The following THADA variants were observed in gnomAD, a reference collection of about 807,000 sequenced individuals.
The protein encoded by THADA is tRNA (32-2'-O)-methyltransferase regulator THADA.
A neutral mutation model predicts 219.8 loss-of-function variants in THADA; 213 were observed. That is an observed-to-expected ratio of 0.97 (90% CI 0.87 to 1.09). The LOEUF is 1.09. Among genes scored for constraint, THADA ranks in the 50% least tolerant of loss-of-function variants. The pLI is 0.00. For synonymous variants in THADA, 1,018 were observed against 828.9 expected (o/e 1.23, Z -3.92); for missense variants, 2,956 against 2,311.3 (o/e 1.28, Z -5.72).
At chr2:43,578,707 T>G (rs1700110197) in intron 8 of THADA, 100 bp from the exon 9 acceptor site, 2 of 701,188 alleles carry the variant, frequency 2.9e-6, no homozygotes, top group Admixed American at 3.0e-5. Flanking sequence ...TGGGTACAAT[T>G]TCTAGTCTGA....
At chr2:43,351,931 C>A (rs900136101) in intron 29 of THADA, among the ~76,000 whole-genome samples, 2 of 152,232 alleles carry the variant, frequency 1.3e-5, no homozygotes, top group Admixed American at 6.5e-5. Flanking sequence ...GGCCCCCAAG[C>A]TGTTCGTAAG....
chr2:43,482,744 C>G (rs1311033945), intron 26 of THADA, among the ~76,000 whole-genome samples: 7 of 152,264 alleles, frequency 4.6e-5, no homozygotes, highest in Admixed American at 4.6e-4. Flanking sequence ...TCAAAAAGCA[C>G]GGTCTTAAGA....
chr2:43,529,981 A>T (rs767180135), intron 21 of THADA, among the ~76,000 whole-genome samples: 15 of 152,162 alleles, frequency 9.9e-5, no homozygotes, highest in Admixed American at 2.0e-4. Flanking sequence ...CTATAATCCA[A>T]TTCAGTTCAA....
At chr2:43,473,419 T>A (rs1169533103) in intron 26 of THADA, among the ~76,000 whole-genome samples, 2 of 152,000 alleles carry the variant, frequency 1.3e-5, no homozygotes, top group Non-Finnish European at 2.9e-5. Flanking sequence ...GGAGCTGTTG[T>A]CTCCTATGAG....
chr2:43,287,344 G>A (rs1572919591), intron 34 of THADA, among the ~76,000 whole-genome samples: 1 of 152,070 alleles, frequency 6.6e-6, no homozygotes, highest in Non-Finnish European at 1.5e-5. Flanking sequence ...GCCCAGGCTG[G>A]AGTGCAATGG....
In THADA at chr2:43,417,085, AAG is replaced by A. The variant is rs1677088045; in HGVS notation, c.4058+11013_4058+11014del. Among the ~76,000 whole-genome samples, 5 of 114,948 alleles carry A rather than the reference AAG, an allele frequency of 4.3e-5. No homozygotes were observed. In the South Asian group the frequency reaches 1.3e-3, roughly 30 times the overall value. 75.4% of individuals were successfully genotyped at this position (114,948 alleles called of 152,430 possible). On this transcript the variant is annotated intron_variant, in intron 28 of 37. Transcript: ENST00000405975. The stretch of plus-strand genomic sequence containing the variant: ...GAGACGGAGTGGCTGTTTTCTTTAT[AAG>A]AGAGTAAAAAGAGAAACAATCAAGT...
At chr2:43,245,768 G>C (rs1218858612) in intron 36 of THADA, among the ~76,000 whole-genome samples, 1 of 152,192 alleles carries the variant, frequency 6.6e-6, no homozygotes, top group East Asian at 1.9e-4. Flanking sequence ...GGACTGCTTG[G>C]CTCCCAAAAC....
intron 29 of THADA, among the ~76,000 whole-genome samples, chr2:43,365,934 G>C (rs1465470347): frequency 5.3e-5 from 8 of 152,270 alleles, no homozygotes; most frequent in Non-Finnish European, 1.2e-4. Flanking sequence ...CTTCCTAGAA[G>C]TTTATGATTT....
Position 43,261,216 on chromosome 2 carries a change from C to CTTTTTTTTTT in THADA, c.5296+18539_5296+18548dup. Among the ~76,000 whole-genome samples, 2 of 77,168 alleles carry CTTTTTTTTTT rather than the reference C, an allele frequency of 2.6e-5. 1 individual carries two copies. The highest frequency in any genetic ancestry group is 4.9e-5 in the Non-Finnish European group (2 of 40,896). 50.6% of individuals were successfully genotyped at this position (77,168 alleles called of 152,430 possible). A position where few individuals can be genotyped will look rare whatever the true frequency, so the allele number is the denominator to read the frequency against. On this transcript the variant is annotated intron_variant, in intron 36 of 37. Transcript: ENST00000405975. ...TTGCCTGAAATAAATTTGTGCATTTCTTTTTTTTTTTTTTTTTTTTTTTTT... is the reference window on the plus strand; with the variant it reads ...TTGCCTGAAATAAATTTGTGCATTTCTTTTTTTTTTTTTTTTTTTTTTTTTTTTTTTTTTT...
intron 30 of THADA, among the ~76,000 whole-genome samples, chr2:43,327,495 G>C (rs997533693): frequency 6.6e-6 from 1 of 151,844 alleles, no homozygotes; most frequent in Non-Finnish European, 1.5e-5. Context: ...GTGGTTAGAA[G>C]AATGGGAGAG....
chr2:43,574,481 A>G lies in THADA; in HGVS notation c.1584T>C (p.Ser528=), dbSNP rs891654653. ...WIDQWHETWV[S]PLLFILCEGN... Reference sequence around the variant, plus strand: ...CTTCACACAATATAAAAAGGAGAGGAGAAACCCAAGTCTCATGCCACTGGT... The same window carrying G: ...CTTCACACAATATAAAAAGGAGAGGGGAAACCCAAGTCTCATGCCACTGGT... Residue 528 remains serine (S), a synonymous_variant, in exon 11 of 38, where the codon TCT becomes TCC. Coordinates refer to ENST00000405975, the MANE Select transcript of THADA (RefSeq NM_022065.5). 6.2e-7 allele frequency: 1 copy of G among 1,613,866 alleles called. No homozygotes were observed. The highest frequency in any genetic ancestry group is 1.3e-5 in the African/African-American group (1 of 75,046).
intron 22 of THADA, among the ~76,000 whole-genome samples, chr2:43,515,179 TATATATA>T (rs1691382393): frequency 4.2e-3 from 11 of 2,630 alleles, no homozygotes; most frequent in Admixed American, 8.6e-3. Flanking sequence ...TATTATATAT[TATATATA>T]ATATATTATA....
intron 21 of THADA, among the ~76,000 whole-genome samples, chr2:43,529,505 G>T (rs1370496161): frequency 2.0e-5 from 3 of 152,042 alleles, no homozygotes; most frequent in Non-Finnish European, 4.4e-5. Context: ...GAACCACTGT[G>T]GCCGGCCAGA....
At chr2:43,529,212 GCA>G (rs1693564762) in intron 21 of THADA, among the ~76,000 whole-genome samples, 1 of 151,848 alleles carries the variant, frequency 6.6e-6, no homozygotes, top group Non-Finnish European at 1.5e-5. Flanking sequence ...GAGTGCAGTG[GCA>G]CAATCATAGC....
At chr2:43,529,952 C>T (rs1443777245) in intron 21 of THADA, among the ~76,000 whole-genome samples, 8 of 152,082 alleles carry the variant, frequency 5.3e-5, no homozygotes. Context: ...AACTGAAAAG[C>T]TCAGAACAGG....
chr2:43,329,004 A>T (rs1291614182), intron 30 of THADA, among the ~76,000 whole-genome samples: 1 of 152,140 alleles, frequency 6.6e-6, no homozygotes, highest in Non-Finnish European at 1.5e-5. Flanking sequence ...ATGTGCGGAG[A>T]ATGATGAAAA....
rs374684384 is a variant in THADA at position 43,574,351 on chromosome 2, T to C, written c.1714A>G (p.Ile572Val). The change falls in exon 11 of 38, where the codon ATT becomes GTT. Residue 572 changes from isoleucine (I) to valine (V), a missense_variant. Physicochemically the swap from Ile to Val is conservative, Grantham distance 29. Transcript: ENST00000405975. ...TTTTTCTTACCAGTTTTAGCATCAA[T>C]AGAAGTCTGAAGAATCTTTACCATG... is the stretch of plus-strand genomic sequence containing the variant. The part of the protein sequence containing the change: ...QYMVKILQTS[I>V]DAKTGQEQSF... 4.2e-4 allele frequency: 663 copies of C among 1,569,810 alleles called. No individual in the cohort carries two copies. Among genetic ancestry groups the C allele is most frequent in the Non-Finnish European group, 5.4e-4 (626 of 1,161,750 alleles).
At chr2:43,269,884 C>T (rs865886691) in intron 36 of THADA, among the ~76,000 whole-genome samples, 3 of 152,132 alleles carry the variant, frequency 2.0e-5, no homozygotes, top group Non-Finnish European at 4.4e-5. Context: ...AGTGGAATCC[C>T]GGGCTGACTC....
intron 37 of THADA, among the ~76,000 whole-genome samples, chr2:43,231,956 T>TGTCTTTGTCCTCAGTTTCCC (rs530906894): frequency 0.018 from 2,691 of 152,202 alleles, 34 homozygotes; most frequent in African/African-American, 0.043. Flanking sequence ...TTTTGCTGCT[T>TGTCTTTGTCCTCAGTTTCCC]GTCTTTGTCC....
Sources: gnomAD v4.1 joint callset for allele counts (sites outside exome capture counted in the v4.1 genomes callset) on GRCh38, gnomAD v4.1.1 for gene constraint, MANE v1.5 for transcripts, NCBI Gene and HGNC (gene_info 2026-07-23, HGNC 2026-07-21) for gene names.